SGIP1: variants seen among roughly 807,000 people sequenced by gnomAD.
SGIP1 encodes the protein SH3-containing GRB2-like protein 3-interacting protein 1.
SGIP1 carries 38 observed loss-of-function variants against 107.5 expected under a neutral mutation model. The observed-to-expected ratio is 0.35, with a 90% CI of 0.27 to 0.46. SGIP1 has a LOEUF of 0.46. Among genes scored for constraint, SGIP1 ranks in the 20% least tolerant of loss-of-function variants. SGIP1 has a pLI of 1.00. For synonymous variants in SGIP1, 365 were observed against 366.1 expected, an observed-to-expected ratio of 1.00 and a Z score of 0.03; for missense variants, 929 against 1,019.5, an observed-to-expected ratio of 0.91 and a Z score of 1.21.
At chr1:66,705,327 G>A (rs114406981) in intron 18 of SGIP1, among the ~76,000 whole-genome samples, 1,867 of 152,252 alleles carry the variant, frequency 0.012, 41 homozygotes, top group African/African-American at 0.043. Context: ...TCTATTCAGA[G>A]TAATAACAGC....
chr1:66,586,150 AAGTT>A (rs1442468858), intron 1 of SGIP1, among the ~76,000 whole-genome samples: 1 of 152,132 alleles, frequency 6.6e-6, no homozygotes, highest in Non-Finnish European at 1.5e-5. Flanking sequence ...ATCTGATACT[AAGTT>A]AGTCCTTTTT....
chr1:66,652,093 G>C (rs905625992), intron 7 of SGIP1, among the ~76,000 whole-genome samples: 2 of 152,096 alleles, frequency 1.3e-5, no homozygotes, highest in African/African-American at 4.8e-5. Flanking sequence ...ATGAACACAG[G>C]CTTTTGAGTA....
chr1:66,702,860 G>T (rs1396624412), intron 18 of SGIP1, among the ~76,000 whole-genome samples: 1 of 152,170 alleles, frequency 6.6e-6, no homozygotes, highest in Admixed American at 6.5e-5. Flanking sequence ...TCACTCCCCA[G>T]AGAGGAATGG....
intron 10 of SGIP1, 127 bp from the exon 11 acceptor site, chr1:66,671,817 C>A: frequency 2.3e-6 from 2 of 855,582 alleles, no homozygotes; most frequent in Admixed American, 2.5e-5. Context: ...GTTTGTTTTG[C>A]AAAGTTTTCA....
chr1:66,543,428 C>T (rs897978632), intron 1 of SGIP1, among the ~76,000 whole-genome samples: 21 of 152,068 alleles, frequency 1.4e-4, no homozygotes, highest in African/African-American at 5.1e-4. Flanking sequence ...GAAACCAAGG[C>T]CAAATGAAAA....
intron 1 of SGIP1, among the ~76,000 whole-genome samples, chr1:66,606,043 T>C (rs892450217): frequency 6.6e-6 from 1 of 152,220 alleles, no homozygotes; most frequent in Admixed American, 6.5e-5. Flanking sequence ...TAGACATAGA[T>C]AATTTCAAAA....
intron 19 of SGIP1, among the ~76,000 whole-genome samples, chr1:66,727,063 A>G (rs1348082440): frequency 6.6e-6 from 1 of 152,276 alleles, no homozygotes; most frequent in African/African-American, 2.4e-5. Context: ...ACTGGATTAG[A>G]TATAACCCAT....
chr1:66,741,026 T>A (rs1294534627), intron 23 of SGIP1, among the ~76,000 whole-genome samples: 1 of 152,142 alleles, frequency 6.6e-6, no homozygotes, highest in Non-Finnish European at 1.5e-5. Flanking sequence ...ATATTAATCA[T>A]AGGTTGGAAA....
At chr1:66,546,119 C>T (rs2056336790) in intron 1 of SGIP1, among the ~76,000 whole-genome samples, 1 of 152,058 alleles carries the variant, frequency 6.6e-6, no homozygotes, top group Non-Finnish European at 1.5e-5. Flanking sequence ...GTATTTGGTC[C>T]ATAGTAGAAG....
At chr1:66,577,563 C>T (rs1465422512) in intron 1 of SGIP1, among the ~76,000 whole-genome samples, 1 of 152,164 alleles carries the variant, frequency 6.6e-6, no homozygotes, top group African/African-American at 2.4e-5. Flanking sequence ...ACTATTTTAA[C>T]TGATGGGTGT....
chr1:66,706,103 C>G (rs1258890974), intron 18 of SGIP1, among the ~76,000 whole-genome samples: 1 of 151,430 alleles, frequency 6.6e-6, no homozygotes, highest in African/African-American at 2.4e-5. Context: ...AAAAACAAAA[C>G]AAAACAAAAA....
intron 18 of SGIP1, among the ~76,000 whole-genome samples, chr1:66,716,301 T>C (rs1411751001): frequency 1.3e-5 from 2 of 152,182 alleles, no homozygotes; most frequent in Non-Finnish European, 2.9e-5. Context: ...TAATTGTCAA[T>C]TCACTTGGCA....
intron 1 of SGIP1, among the ~76,000 whole-genome samples, chr1:66,613,824 T>C (rs567314337): frequency 6.6e-6 from 1 of 152,190 alleles, no homozygotes; most frequent in South Asian, 2.1e-4. Context: ...GGTCTCTGAT[T>C]GCACATAATT....
intron 17 of SGIP1, chr1:66,694,944 A>C (rs1046952583): frequency 7.0e-5 from 16 of 227,708 alleles, no homozygotes; most frequent in Non-Finnish European, 3.4e-5. Flanking sequence ...GATATGTGAC[A>C]TCTTCCCTGA....
At chr1:66,726,531 G>C (rs1042055621) in intron 19 of SGIP1, among the ~76,000 whole-genome samples, 1 of 152,136 alleles carries the variant, frequency 6.6e-6, no homozygotes. Flanking sequence ...TTAAAAAATA[G>C]ACCAAATAAA....
chr1:66,736,232 AATATAAATATTT>A (rs1391985851), intron 21 of SGIP1, among the ~76,000 whole-genome samples: 2,295 of 145,852 alleles, frequency 0.016, 80 homozygotes, highest in African/African-American at 0.054. Context: ...AAATATTTTA[AATATAAATATTT>A]ATACAAATAT....
rs747667779 is a variant in SGIP1, at chr1:66,682,328, C to A, written c.1274C>A (p.Ser425Tyr). ...PPPTYRTVVSSPGPGSGPGPG... is the reference protein window; with the variant it reads ...PPPTYRTVVSYPGPGSGPGPG... ...CCCACCTACAGGACTGTGGTTTCGT[C>A]CCCCGGACCTGGCTCGGGCCCTGGT... Residue 425 changes from serine (S) to tyrosine (Y), a missense_variant, in exon 15 of 25, where the codon TCC becomes TAC. Coordinates refer to ENST00000371037, the MANE Select transcript of SGIP1 (RefSeq NM_032291.4). The A allele has an allele frequency of 1.9e-6, 3 of 1,614,062 alleles. No homozygotes were observed. The highest frequency in any genetic ancestry group is 2.2e-5 in the South Asian group (2 of 91,064).
intron 7 of SGIP1, among the ~76,000 whole-genome samples, chr1:66,648,907 A>C (rs977966320): frequency 2.6e-5 from 4 of 152,190 alleles, no homozygotes; most frequent in African/African-American, 9.6e-5. Flanking sequence ...CATTTCTGCC[A>C]CTGTAAAGGA....
chr1:66,665,537 G>A (rs1310358799), intron 8 of SGIP1, among the ~76,000 whole-genome samples: 2 of 152,164 alleles, frequency 1.3e-5, no homozygotes, highest in Non-Finnish European at 2.9e-5. Flanking sequence ...GATCCTTGAG[G>A]AATCGCCACA....
Sources: gnomAD v4.1 joint callset for allele counts (sites outside exome capture counted in the v4.1 genomes callset) on GRCh38, gnomAD v4.1.1 for gene constraint, MANE v1.5 for transcripts, NCBI Gene and HGNC (gene_info 2026-07-23, HGNC 2026-07-21) for gene names.